The following KCNMA1 variants were observed in gnomAD, a reference collection of about 807,000 sequenced individuals.
KCNMA1 encodes potassium calcium-activated channel subfamily M alpha 1.
In KCNMA1, 29 loss-of-function variants were observed where a neutral mutation model predicts 140.0. The observed-to-expected ratio is 0.21, with a 90% confidence interval of 0.15 to 0.28. KCNMA1 has a LOEUF of 0.28. Among genes scored for constraint, KCNMA1 ranks in the 10% least tolerant of loss-of-function variants. KCNMA1 has a pLI of 1.00. For synonymous variants in KCNMA1, 612 were observed against 611.9 expected (o/e 1.00, Z 0.00); for missense variants, 880 against 1,602.2 (o/e 0.55, Z 7.70).
At position 77,362,855 on chromosome 10, in the gene KCNMA1, T is replaced by C. The variant is rs147388665; in HGVS notation, c.540+41007A>G. On this transcript the variant is annotated intron_variant, in intron 2 of 27. Transcript: ENST00000286628. ...GAACATTTAGAAAAGACATAGTGCC[T>C]GCTGCTGTCTGGGCCAAGCCATCCC... Among the ~76,000 whole-genome samples the C allele has an allele frequency of 7.1e-4, 108 of 152,348 alleles. 1 individual carries two copies. The highest frequency in any genetic ancestry group is 6.8e-3 in the Middle Eastern group (2 of 294).
intron 23 of KCNMA1, among the ~76,000 whole-genome samples, chr10:76,919,850 G>A (rs578027889): frequency 3.1e-4 from 47 of 151,566 alleles, no homozygotes; most frequent in African/African-American, 1.0e-3. Context: ...ATTTTATTAG[G>A]TATACAATAA....
intron 2 of KCNMA1, among the ~76,000 whole-genome samples, chr10:77,365,913 C>T (rs1324686370): frequency 1.3e-5 from 2 of 152,128 alleles, no homozygotes; most frequent in African/African-American, 4.8e-5. Flanking sequence ...ATACTACCTG[C>T]AAGATGGGCA....
intron 2 of KCNMA1, among the ~76,000 whole-genome samples, chr10:77,316,817 T>C (rs568295018): frequency 1.1e-4 from 16 of 152,208 alleles, no homozygotes; most frequent in Admixed American, 6.5e-4. Flanking sequence ...GGGGTGTGCT[T>C]GGTAGGTAGA....
intron 1 of KCNMA1, among the ~76,000 whole-genome samples, chr10:77,416,898 A>C (rs2096754405): frequency 6.6e-6 from 1 of 152,172 alleles, no homozygotes; most frequent in Non-Finnish European, 1.5e-5. Context: ...AATCTCAAAA[A>C]TCCTGCCAAG....
chr10:77,636,952 G>C, intron 1 of KCNMA1: 2 of 1,413,164 alleles, frequency 1.4e-6, no homozygotes, highest in Non-Finnish European at 1.8e-6. Flanking sequence ...CCCGCACCAC[G>C]GCACCCGAGC....
chr10:77,530,204 T>C (rs1188293485), intron 1 of KCNMA1, among the ~76,000 whole-genome samples: 1 of 152,078 alleles, frequency 6.6e-6, no homozygotes. Context: ...TGCAGCTGGG[T>C]CCTGTTCCAA....
At chr10:77,613,252 C>T (rs998571441) in intron 1 of KCNMA1, among the ~76,000 whole-genome samples, 1 of 152,176 alleles carries the variant, frequency 6.6e-6, no homozygotes, top group African/African-American at 2.4e-5. Flanking sequence ...TGGACCCAAC[C>T]TTCCCCCACA....
At chr10:77,018,103 GCTCTGAGTGTTTGAGAAGAC>G (rs1375199027) in intron 17 of KCNMA1, among the ~76,000 whole-genome samples, 4 of 152,138 alleles carry the variant, frequency 2.6e-5, no homozygotes, top group African/African-American at 9.7e-5. Context: ...GGAAACCAAA[GCTCTGAGTGTTTGAGAAGAC>G]TTACCTTCCA....
intron 15 of KCNMA1, among the ~76,000 whole-genome samples, chr10:77,033,593 T>C (rs2094106425): frequency 6.6e-6 from 1 of 152,200 alleles, no homozygotes; most frequent in Admixed American, 6.5e-5. Context: ...CTTGCTATTA[T>C]TATTAATGAG....
intron 2 of KCNMA1, among the ~76,000 whole-genome samples, chr10:77,361,771 C>A (rs996032612): frequency 6.6e-6 from 1 of 152,188 alleles, no homozygotes; most frequent in Non-Finnish European, 1.5e-5. Context: ...GACAGGGTGG[C>A]CACTGCCCGT....
chr10:77,011,860 AG>A, intron 18 of KCNMA1, 106 bp downstream of exon 18: 1 of 973,512 alleles, frequency 1.0e-6, no homozygotes. Flanking sequence ...AACATACTCA[AG>A]AAAACTCTCG....
intron 1 of KCNMA1, among the ~76,000 whole-genome samples, chr10:77,614,359 G>A (rs1230775164): frequency 6.6e-6 from 1 of 152,042 alleles, no homozygotes; most frequent in Non-Finnish European, 1.5e-5. Flanking sequence ...CTGTCTCAGT[G>A]GCCCACAGAC....
Position 76,886,500 on chromosome 10 carries a change from C to T in KCNMA1, c.*766G>A. The T allele has an allele frequency of 1.0e-6, 1 of 984,674 alleles. No homozygotes were observed. 61.0% of individuals were successfully genotyped at this position (984,674 alleles called of 1,614,324 possible). On this transcript the variant is annotated 3_prime_UTR_variant, in exon 28 of 28. Transcript: ENST00000286628. Reference sequence around the variant, plus strand: ...AATAACAATTTAATATGCAATCAAACCTCTTTTCACTTAAACTAAATGACT... The same window carrying T: ...AATAACAATTTAATATGCAATCAAATCTCTTTTCACTTAAACTAAATGACT...
In KCNMA1 at chr10:77,625,098, A is replaced by C. The variant is rs554883750; in HGVS notation, c.378+12167T>G. On this transcript the variant is annotated intron_variant, in intron 1 of 27. Transcript: ENST00000286628. ...TGTGGTGAAATACACAGAAGACAAAAATGTACCATCTTAGGCTGGGCACAG... is the reference window on the plus strand; with the variant it reads ...TGTGGTGAAATACACAGAAGACAAACATGTACCATCTTAGGCTGGGCACAG... 6.6e-5 allele frequency among the ~76,000 whole-genome samples: 10 copies of C among 152,328 alleles called. No homozygotes were observed. In the South Asian group the frequency reaches 2.1e-3, roughly 32 times the overall value.
At chr10:77,156,596 A>G (rs750178245) in intron 5 of KCNMA1, among the ~76,000 whole-genome samples, 3 of 152,216 alleles carry the variant, frequency 2.0e-5, no homozygotes, top group Non-Finnish European at 4.4e-5. Flanking sequence ...GAAAGGCCAT[A>G]AGGTTAGGGT....
At chr10:76,958,713 G>A (rs1182979662) in intron 20 of KCNMA1, among the ~76,000 whole-genome samples, 1 of 152,152 alleles carries the variant, frequency 6.6e-6, no homozygotes, top group Non-Finnish European at 1.5e-5. Context: ...AGATCTGCAA[G>A]CCAAGAAGAG....
At chr10:77,404,056 G>C in intron 1 of KCNMA1, 33 bp from the exon 2 acceptor site, 1 of 1,609,388 alleles carries the variant, frequency 6.2e-7, no homozygotes, top group East Asian at 2.2e-5. Flanking sequence ...TTAAGACATA[G>C]GGAACAATGG....
intron 1 of KCNMA1, among the ~76,000 whole-genome samples, chr10:77,457,716 C>T (rs1371482706): frequency 6.6e-6 from 1 of 152,072 alleles, no homozygotes; most frequent in East Asian, 1.9e-4. Flanking sequence ...ATCAGCCTCC[C>T]TCCAGCACGG....
intron 3 of KCNMA1, among the ~76,000 whole-genome samples, chr10:77,227,823 C>A (rs545546664): frequency 3.9e-5 from 6 of 152,256 alleles, no homozygotes; most frequent in African/African-American, 1.4e-4. Flanking sequence ...AAGCAAGATA[C>A]TTTAGCCTCT....
Sources: allele counts gnomAD v4.1 joint callset (sites outside exome capture counted in the v4.1 genomes callset), GRCh38; gene constraint gnomAD v4.1.1; transcripts MANE v1.5; gene names NCBI Gene and HGNC (gene_info 2026-07-23, HGNC 2026-07-21).